The following THSD7A variants were observed in gnomAD, a reference collection of about 807,000 sequenced individuals.
THSD7A encodes the protein thrombospondin type 1 domain containing 7A, also known as thrombospondin type-1 domain-containing protein 7A.
In THSD7A, 96 loss-of-function variants were observed where a neutral mutation model predicts 231.3. The ratio of observed to expected loss-of-function variants is 0.41; its 90% CI spans 0.35 to 0.49. The LOEUF is 0.49. THSD7A is among the 20% of genes least tolerant of loss of function. The pLI, the probability that THSD7A is intolerant of heterozygous loss-of-function variation, is 0.05. For synonymous variants in THSD7A, 940 were observed against 743.3 expected, an observed-to-expected ratio of 1.26 and a Z score of -4.30; for missense variants, 2,290 against 2,070.2, an observed-to-expected ratio of 1.11 and a Z score of -2.06.
intron 1 of THSD7A, among the ~76,000 whole-genome samples, chr7:11,711,383 G>T (rs1780960001): frequency 6.6e-6 from 1 of 150,866 alleles, no homozygotes; most frequent in African/African-American, 2.4e-5. Flanking sequence ...AAGTTAACAT[G>T]GCATTCCTAT....
At chr7:11,793,764 C>A (rs748932551) in intron 1 of THSD7A, among the ~76,000 whole-genome samples, 3 of 151,654 alleles carry the variant, frequency 2.0e-5, no homozygotes, top group Non-Finnish European at 4.4e-5. Context: ...AAAAATTTAC[C>A]AAACGAAATA....
At chr7:11,712,877 T>C (rs1225470545) in intron 1 of THSD7A, among the ~76,000 whole-genome samples, 2 of 151,126 alleles carry the variant, frequency 1.3e-5, no homozygotes, top group African/African-American at 4.8e-5. Context: ...GTATAATTCA[T>C]TCCCAGAGCA....
At chr7:11,401,478 G>A (rs575521686) in intron 23 of THSD7A, among the ~76,000 whole-genome samples, 1 of 152,232 alleles carries the variant, frequency 6.6e-6, no homozygotes, top group East Asian at 1.9e-4. Flanking sequence ...GTGCAGTGGT[G>A]CAATCTCGGC....
intron 4 of THSD7A, among the ~76,000 whole-genome samples, chr7:11,570,597 C>G (rs551431231): frequency 5.6e-4 from 85 of 152,268 alleles, no homozygotes; most frequent in Middle Eastern, 3.4e-3. Context: ...CATCACAGTA[C>G]CACATAAATA....
At chr7:11,436,196 A>G (rs925506860) in intron 13 of THSD7A, among the ~76,000 whole-genome samples, 5 of 152,064 alleles carry the variant, frequency 3.3e-5, no homozygotes, top group East Asian at 1.9e-4. Flanking sequence ...CAGGAATACA[A>G]ACATATTTGA....
intron 1 of THSD7A, among the ~76,000 whole-genome samples, chr7:11,818,859 C>T (rs1324319348): frequency 2.9e-5 from 4 of 140,088 alleles, no homozygotes; most frequent in Non-Finnish European, 4.6e-5. Context: ...TTATTCCTTA[C>T]TTAATTCCCA....
Position 11,476,714 on chromosome 7 carries a change from C to A in THSD7A, c.2018-2146G>T, listed in dbSNP as rs184515265. ...CCTGTAATCCCAGCTATTCAGGAGG[C>A]TGAGGCAGGAGAATCGCTTGAGCCT... On this transcript the variant is annotated intron_variant, in intron 7 of 27. Coordinates refer to ENST00000423059, the MANE Select transcript of THSD7A (RefSeq NM_015204.3). Among the ~76,000 whole-genome samples, 257 of 150,830 alleles carry A rather than the reference C, an allele frequency of 1.7e-3. 1 individual carries two copies. The highest frequency in any genetic ancestry group is 5.9e-3 in the African/African-American group (241 of 40,976).
At chr7:11,624,721 C>T (rs761653143) in intron 2 of THSD7A, among the ~76,000 whole-genome samples, 6 of 151,936 alleles carry the variant, frequency 3.9e-5, no homozygotes, top group Admixed American at 2.6e-4. Flanking sequence ...TTATGCAACC[C>T]ATAAAAGATA....
chr7:11,567,595 G>A (rs1790414922), intron 4 of THSD7A, among the ~76,000 whole-genome samples: 1 of 152,282 alleles, frequency 6.6e-6, no homozygotes, highest in African/African-American at 2.4e-5. Flanking sequence ...ATCACCTGGA[G>A]AGGGTTTAAA....
chr7:11,643,391 A>G (rs77027280), intron 1 of THSD7A, among the ~76,000 whole-genome samples: 6,898 of 152,174 alleles, frequency 0.045, 505 homozygotes, highest in African/African-American at 0.16. Context: ...ACTGTCAAAT[A>G]ATAGGAAAGA....
intron 1 of THSD7A, among the ~76,000 whole-genome samples, chr7:11,759,998 C>T (rs767581250): frequency 1.3e-5 from 2 of 151,802 alleles, no homozygotes; most frequent in Non-Finnish European, 2.9e-5. Context: ...TTAAGTGATA[C>T]AAATATACAC....
intron 4 of THSD7A, among the ~76,000 whole-genome samples, chr7:11,584,313 CATA>C (rs1791299939): frequency 6.6e-6 from 1 of 151,936 alleles, no homozygotes; most frequent in South Asian, 2.1e-4. Flanking sequence ...CTGTATAATA[CATA>C]ATTATACAAA....
At chr7:11,754,681 T>TA (rs1366463678) in intron 1 of THSD7A, among the ~76,000 whole-genome samples, 2 of 152,102 alleles carry the variant, frequency 1.3e-5, no homozygotes, top group African/African-American at 4.8e-5. Flanking sequence ...TGCAATCTTT[T>TA]AAAAAACTTT....
At chr7:11,801,423 T>C (rs1407298175) in intron 1 of THSD7A, among the ~76,000 whole-genome samples, 3 of 152,230 alleles carry the variant, frequency 2.0e-5, no homozygotes, top group East Asian at 3.9e-4. Context: ...ATGTGCGAAG[T>C]ATGGATAAGT....
chr7:11,492,801 T>A (rs892970276), intron 6 of THSD7A, among the ~76,000 whole-genome samples: 3 of 152,004 alleles, frequency 2.0e-5, no homozygotes, highest in Non-Finnish European at 4.4e-5. Context: ...AACTTCCCAC[T>A]CTATCCTCTA....
intron 1 of THSD7A, among the ~76,000 whole-genome samples, chr7:11,677,388 T>C (rs1222737552): frequency 6.6e-6 from 1 of 151,856 alleles, no homozygotes; most frequent in South Asian, 2.1e-4. Context: ...GCTAACATCA[T>C]AATGACAGAA....
At chr7:11,588,721 A>G (rs1316441411) in intron 4 of THSD7A, among the ~76,000 whole-genome samples, 1 of 152,188 alleles carries the variant, frequency 6.6e-6, no homozygotes, top group Non-Finnish European at 1.5e-5. Flanking sequence ...TGACATTCCA[A>G]AACTAAAATC....
chr7:11,789,401 T>C (rs181251254), intron 1 of THSD7A, among the ~76,000 whole-genome samples: 19 of 152,080 alleles, frequency 1.2e-4, no homozygotes, highest in African/African-American at 4.3e-4. Flanking sequence ...AGGGCAAGAA[T>C]GGAAGAAGGA....
chr7:11,553,555 T>C (rs1457770994), intron 4 of THSD7A, among the ~76,000 whole-genome samples: 3 of 152,076 alleles, frequency 2.0e-5, no homozygotes, highest in African/African-American at 7.2e-5. Flanking sequence ...TAAGAAATGG[T>C]TCTTCAGCCA....
Sources: gnomAD v4.1 joint callset for allele counts (sites outside exome capture counted in the v4.1 genomes callset) on GRCh38, gnomAD v4.1.1 for gene constraint, MANE v1.5 for transcripts, NCBI Gene and HGNC (gene_info 2026-07-23, HGNC 2026-07-21) for gene names.